The following RBM23 variants were observed in gnomAD, a reference collection of about 807,000 sequenced individuals.
RBM23 encodes the protein probable RNA-binding protein 23.
RBM23 carries 53 observed loss-of-function variants against 56.2 expected under a neutral mutation model. The ratio of observed to expected loss-of-function variants is 0.94; its 90% CI spans 0.76 to 1.19. The LOEUF (loss-of-function observed/expected upper bound fraction) is 1.19, where lower values mean the gene tolerates loss of function less well. Among genes scored for constraint, RBM23 ranks in the 50% most tolerant of loss-of-function variants. The pLI is 0.00. For synonymous variants in RBM23, 197 were observed against 198.5 expected (o/e 0.99, Z 0.06); for missense variants, 642 against 590.3 (o/e 1.09, Z -0.91).
At chr14:22,912,350 AACCAAT>A (rs1472821095) in intron 1 of RBM23, among the ~76,000 whole-genome samples, 4 of 152,136 alleles carry the variant, frequency 2.6e-5, no homozygotes, top group Admixed American at 2.6e-4. Flanking sequence ...AGCATTTTCT[AACCAAT>A]ACCAACTACA....
rs2040317901 is a variant in RBM23 at position 22,899,858 on chromosome 14, T to TA, written c.*1871dup. 6.6e-6 allele frequency: 1 copy of TA among 152,140 alleles called. No individual in the cohort carries two copies. 9.4% of individuals were successfully genotyped at this position (152,140 alleles called of 1,614,324 possible). ...CTTAGAAGTCTGAGAGCTGACAAATTAAAACCTAACAGCAATTATCCATAT... is the reference window on the plus strand; with the variant it reads ...CTTAGAAGTCTGAGAGCTGACAAATTAAAAACCTAACAGCAATTATCCATAT... On this transcript the variant is annotated 3_prime_UTR_variant, in exon 14 of 14. Coordinates refer to ENST00000359890, the MANE Select transcript of RBM23 (RefSeq NM_001077351.2).
intron 2 of RBM23, among the ~76,000 whole-genome samples, chr14:22,910,513 G>A (rs1022145735): frequency 3.4e-5 from 5 of 148,522 alleles, no homozygotes; most frequent in African/African-American, 1.2e-4. Flanking sequence ...GAAAGGAAGG[G>A]AGAAGGAGGG....
At chr14:22,917,566 CTT>C (rs912530097) in intron 1 of RBM23, 6 of 150,914 alleles carry the variant, frequency 4.0e-5, no homozygotes, top group African/African-American at 1.5e-4. Context: ...CTTTTTTCTT[CTT>C]TTTTGTTTTT....
At position 22,901,289 on chromosome 14, in the gene RBM23, A is replaced by G. The variant is rs902111039; in HGVS notation, c.*441T>C. On this transcript the variant is annotated 3_prime_UTR_variant, in exon 14 of 14. Transcript: ENST00000359890. ...AAGAGCACCTTCAAGGTTCACCCAC[A>G]AACTCAGTCCTCTTGATTCAGAGGT... The G allele has an allele frequency of 1.6e-4, 28 of 178,230 alleles. No homozygotes were observed. Among genetic ancestry groups the G allele is most frequent in the African/African-American group, 6.6e-4 (28 of 42,268 alleles). 11.0% of individuals were successfully genotyped at this position (178,230 alleles called of 1,614,324 possible).
At chr14:22,903,924 A>G in intron 10 of RBM23, 1 of 1,237,278 alleles carries the variant, frequency 8.1e-7, no homozygotes, top group Non-Finnish European at 1.0e-6. Flanking sequence ...TCTATAAAGC[A>G]TGTCTTTAAA....
intron 10 of RBM23, chr14:22,904,052 C>A: frequency 6.6e-7 from 1 of 1,505,504 alleles, no homozygotes. Context: ...CACCCCCATA[C>A]CAGGGCCACT....
At position 22,903,012 on chromosome 14, in the gene RBM23, C is replaced by A. The variant is rs1467027852; in HGVS notation, c.931-630G>T. 9.8e-6 allele frequency: 9 copies of A among 916,636 alleles called. No homozygotes were observed. In the African/African-American group the frequency reaches 1.6e-4, roughly 16 times the overall value. 56.8% of individuals were successfully genotyped at this position (916,636 alleles called of 1,614,324 possible). A position where few individuals can be genotyped will look rare whatever the true frequency, so the allele number is the denominator to read the frequency against. On this transcript the variant is annotated intron_variant, in intron 10 of 13. Coordinates refer to ENST00000359890, the MANE Select transcript of RBM23 (RefSeq NM_001077351.2). The stretch of plus-strand genomic sequence containing the variant: ...GGTCAGGCTGGTCTCGAACTCCTGA[C>A]CTCAGGCGATTCACCCACCTTGGCC...
Position 22,900,564 on chromosome 14 carries a change from A to G in RBM23, c.*1166T>C, listed in dbSNP as rs2040364285. The G allele has an allele frequency of 6.6e-6, 1 of 152,188 alleles. No individual in the cohort carries two copies. The highest frequency in any genetic ancestry group is 2.4e-5 in the African/African-American group (1 of 41,442). The allele number at this position is 152,188 out of a possible 1,614,324, so 9.4% of individuals were successfully genotyped here. ...GAAGACAACCATAGATCAACAGTGT[A>G]ATGCAGATACAGAATGGGAACCCCA... On this transcript the variant is annotated 3_prime_UTR_variant, in exon 14 of 14. Coordinates refer to ENST00000359890, the MANE Select transcript of RBM23 (RefSeq NM_001077351.2).
At chr14:22,905,493 CT>C (rs762082136) in intron 6 of RBM23, 40 bp from the exon 7 acceptor site, 2 of 1,606,664 alleles carry the variant, frequency 1.2e-6, no homozygotes, top group African/African-American at 2.7e-5. Context: ...CTCCCAATAC[CT>C]GGTCATTGTT....
chr14:22,902,756 C>CTTTTTT (rs59987550), intron 10 of RBM23: 2 of 432,480 alleles, frequency 4.6e-6, no homozygotes, highest in African/African-American at 3.2e-5. Flanking sequence ...AAGTTTTAGT[C>CTTTTTT]TTTTTTTTTT....
intron 2 of RBM23, among the ~76,000 whole-genome samples, chr14:22,910,906 G>A (rs553012871): frequency 1.3e-5 from 2 of 152,240 alleles, no homozygotes; most frequent in East Asian, 3.9e-4. Flanking sequence ...AGCTACTTGG[G>A]ACGCTGAGGC....
chr14:22,893,794 T>C lies in RBM23; in HGVS notation c.*7936A>G, dbSNP rs781358034. ...CAAGAGCATACTGCTTCTCAGGCCTTTATCATCTCGGTGACTCCCTGATGG... is the reference window on the plus strand; with the variant it reads ...CAAGAGCATACTGCTTCTCAGGCCTCTATCATCTCGGTGACTCCCTGATGG... On this transcript the variant is annotated 3_prime_UTR_variant, in exon 14 of 14. Transcript: ENST00000359890. The C allele has an allele frequency of 6.6e-6, 1 of 152,136 alleles. No individual in the cohort carries two copies. The highest frequency in any genetic ancestry group is 1.5e-5 in the Non-Finnish European group (1 of 68,038). The allele number at this position is 152,136 out of a possible 1,614,324, so 9.4% of individuals were successfully genotyped here.
chr14:22,902,611 T>C, intron 10 of RBM23: 1 of 1,267,060 alleles, frequency 7.9e-7, no homozygotes, highest in Non-Finnish European at 9.9e-7. Flanking sequence ...TCAGCTCCAT[T>C]AAGAATCTAA....
chr14:22,902,096 G>A lies in RBM23; in HGVS notation c.1130C>T (p.Ala377Val). The change falls in exon 12 of 14, where the codon GCT becomes GTT. Residue 377 changes from alanine to valine, a missense_variant. Physicochemically the swap from Ala to Val is moderately conservative, Grantham distance 64. Transcript: ENST00000359890. ...FQLMAKLAEG[A>V]GIQLPSTAAA... ...AGCAGTGCTTGGCAGTTGGATTCCA[G>A]CGCCTAAAAGGAAAAGAAAAGGTGG... The A allele has an allele frequency of 1.2e-6, 2 of 1,608,326 alleles. No homozygotes were observed. Among genetic ancestry groups the A allele is most frequent in the Non-Finnish European group, 1.7e-6 (2 of 1,176,728 alleles).
At position 22,904,196 on chromosome 14, in the gene RBM23, C is replaced by T. The variant is rs767409011; in HGVS notation, c.930+65G>A. The T allele has an allele frequency of 7.4e-6, 12 of 1,612,688 alleles. No homozygotes were observed. In the East Asian group the frequency reaches 2.5e-4, roughly 33 times the overall value. The stretch of plus-strand genomic sequence containing the variant: ...CCTAAAGGAGGAGGATGAAGCTAAG[C>T]TGCAAAATCAGACAAGTGGACAAAC... On this transcript the variant is annotated intron_variant, in intron 10 of 13. Transcript: ENST00000359890.
intron 1 of RBM23, among the ~76,000 whole-genome samples, chr14:22,915,775 T>C (rs1389997560): frequency 1.3e-5 from 2 of 152,258 alleles, no homozygotes; most frequent in East Asian, 1.9e-4. Context: ...ATTACAGGCA[T>C]GAGCCACTGT....
chr14:22,904,371 C>T (rs1382423601), intron 9 of RBM23, 45 bp from the exon 10 acceptor site: 1 of 1,455,420 alleles, frequency 6.9e-7, no homozygotes, highest in Non-Finnish European at 9.6e-7. Context: ...GACTAGCCCA[C>T]ATCTTCAATC....
At position 22,905,590 on chromosome 14, in the gene RBM23, T is replaced by C. The variant is rs767023154; in HGVS notation, c.455+16A>G. On this transcript the variant is annotated intron_variant, in intron 6 of 13. Coordinates refer to ENST00000359890, the MANE Select transcript of RBM23 (RefSeq NM_001077351.2). Reference sequence around the variant, plus strand: ...ATACCTCACAATCCCTAAAACAGTGTTCATTATCAACCCACCTGACTGGGC... The same window carrying C: ...ATACCTCACAATCCCTAAAACAGTGCTCATTATCAACCCACCTGACTGGGC... The C allele has an allele frequency of 1.2e-6, 2 of 1,609,488 alleles. No homozygotes were observed. The highest frequency in any genetic ancestry group is 2.2e-5 in the East Asian group (1 of 44,856).
chr14:22,913,853 A>C (rs1412369927), intron 1 of RBM23: 1 of 151,732 alleles, frequency 6.6e-6, no homozygotes, highest in African/African-American at 2.4e-5. Flanking sequence ...CATCTCAAAA[A>C]AAAAATACAA....
Sources: gnomAD v4.1 joint callset for allele counts (sites outside exome capture counted in the v4.1 genomes callset) on GRCh38, gnomAD v4.1.1 for gene constraint, MANE v1.5 for transcripts, NCBI Gene and HGNC (gene_info 2026-07-23, HGNC 2026-07-21) for gene names.